Variants in OAT observed in about 807,000 individuals in gnomAD.
The protein encoded by OAT is ornithine aminotransferase, also known as ornithine aminotransferase, mitochondrial.
In OAT, 35 loss-of-function variants were observed where a neutral mutation model predicts 48.4. That is an observed-to-expected ratio of 0.72 (90% CI 0.55 to 0.96). The LOEUF (loss-of-function observed/expected upper bound fraction) is 0.96, where lower values mean the gene tolerates loss of function less well. Ranked by LOEUF, OAT falls within the 40% of genes least tolerant of loss-of-function variation. The probability of loss-of-function intolerance (pLI) is 0.00; values close to 1 mark genes in which losing one functional copy is unlikely to be tolerated. For missense variants in OAT, 438 were observed against 537.9 expected (o/e 0.81, Z 1.84); for synonymous variants, 182 against 198.4 (o/e 0.92, Z 0.70).
At chr10:124,415,980 A>C (rs1366698902) in intron 1 of OAT, among the ~76,000 whole-genome samples, 1 of 152,202 alleles carries the variant, frequency 6.6e-6, no homozygotes, top group African/African-American at 2.4e-5. Context: ...AAATTAGAAA[A>C]CACAGACAAG....
chr10:124,405,757 T>C (rs1294693523), intron 4 of OAT, 194 bp from the exon 5 acceptor site: 1 of 1,391,350 alleles, frequency 7.2e-7, no homozygotes, highest in East Asian at 3.0e-5. Context: ...ACAAGGCCAC[T>C]AAGTCTGGCC....
In OAT at chr10:124,400,941, C is replaced by T. The variant is rs121965053; in HGVS notation, c.1058G>A (p.Gly353Asp). Residue 353 changes from glycine (G) to aspartate (D), a missense_variant, in exon 9 of 10, where the codon GGC becomes GAC. By Grantham distance (94) the Gly-to-Asp change is moderately conservative. Coordinates refer to ENST00000368845, the MANE Select transcript of OAT (RefSeq NM_000274.4). The part of the protein sequence containing the change: ...ENLAENADKL[G>D]IILRNELMKL... ...CATGAGTTCATTTCTCAAGATAATG[C>T]CCAATTTGTCTGCATTTTCAGCAAG... is the stretch of plus-strand genomic sequence containing the variant. 3.0e-5 allele frequency: 49 copies of T among 1,610,854 alleles called. No homozygotes were observed. Among genetic ancestry groups the T allele is most frequent in the Non-Finnish European group, 4.2e-5 (49 of 1,178,486 alleles).
chr10:124,400,169 G>A (rs1375384737), intron 9 of OAT, among the ~76,000 whole-genome samples: 2 of 152,166 alleles, frequency 1.3e-5, no homozygotes, highest in Non-Finnish European at 2.9e-5. Context: ...ACCAAGTGTG[G>A]CCAGGAGCAG....
chr10:124,405,833 G>C, intron 4 of OAT: 4 of 1,245,768 alleles, frequency 3.2e-6, no homozygotes, highest in Non-Finnish European at 4.1e-6. Flanking sequence ...AGCCCCTGAA[G>C]ATAGATAACT....
chr10:124,415,368 G>C (rs1951887874), intron 1 of OAT, among the ~76,000 whole-genome samples: 1 of 152,040 alleles, frequency 6.6e-6, no homozygotes, highest in African/African-American at 2.4e-5. Flanking sequence ...TGGGCTCAAG[G>C]GATCCTTCTG....
At chr10:124,407,427 G>C in intron 4 of OAT, 1 of 985,394 alleles carries the variant, frequency 1.0e-6, no homozygotes, top group Non-Finnish European at 1.2e-6. Context: ...CTATAAGAAT[G>C]AAAATCACCA....
chr10:124,417,947 C>T (rs1282230475), intron 1 of OAT, among the ~76,000 whole-genome samples: 1 of 152,228 alleles, frequency 6.6e-6, no homozygotes, highest in African/African-American at 2.4e-5. Context: ...CGGTGGGTCA[C>T]AGGGCGAGTG....
At chr10:124,416,228 C>G (rs1951914534) in intron 1 of OAT, among the ~76,000 whole-genome samples, 1 of 152,120 alleles carries the variant, frequency 6.6e-6, no homozygotes, top group Non-Finnish European at 1.5e-5. Flanking sequence ...CAGTAAAATT[C>G]ACTTTGCATT....
In OAT at chr10:124,406,802, C is replaced by CAAAA. The variant is rs58613966; in HGVS notation, c.521-1243_521-1240dup. The CAAAA allele has an allele frequency of 4.2e-4, 65 of 156,004 alleles. 5 individuals are homozygous for CAAAA. The highest frequency in any genetic ancestry group is 6.1e-4 in the Non-Finnish European group (54 of 88,098). The allele number at this position is 156,004 out of a possible 1,614,324, so 9.7% of individuals were successfully genotyped here. ...AGGTGACAAGAGTGAAACTCTGTCTCAAAAAAAAAAAAAAAAAAAGTTGGG... is the reference window on the plus strand; with the variant it reads ...AGGTGACAAGAGTGAAACTCTGTCTCAAAAAAAAAAAAAAAAAAAAAAAGTTGGG... On this transcript the variant is annotated intron_variant, in intron 4 of 9. Coordinates refer to ENST00000368845, the MANE Select transcript of OAT (RefSeq NM_000274.4).
At position 124,406,032 on chromosome 10, in the gene OAT, T is replaced by G. The variant is rs953210670; in HGVS notation, c.521-469A>C. The G allele has an allele frequency of 5.8e-6, 6 of 1,038,264 alleles. No homozygotes were observed. In the East Asian group the frequency reaches 3.4e-4, roughly 58 times the overall value. 64.3% of individuals were successfully genotyped at this position (1,038,264 alleles called of 1,614,324 possible). On this transcript the variant is annotated intron_variant, in intron 4 of 9. Transcript: ENST00000368845. ...CAACAGAATGCATTTCCAATTTCAT[T>G]TGGAGAAAAGATCCTCAAGCAATCC...
chr10:124,399,545 CTG>C lies in OAT; in HGVS notation c.1159+1293_1159+1294del, dbSNP rs1292357526. Among the ~76,000 whole-genome samples the C allele has an allele frequency of 2.0e-5, 3 of 151,908 alleles. No individual in the cohort carries two copies. The East Asian group carries it at 5.8e-4, about 29-fold the overall frequency. ...TATTTTTAGTAGAGATGGGGTTTCACTGTGTTAGCCAGGATGGTCTCGATCTC... is the reference window on the plus strand; with the variant it reads ...TATTTTTAGTAGAGATGGGGTTTCACTGTTAGCCAGGATGGTCTCGATCTC... On this transcript the variant is annotated intron_variant, in intron 9 of 9. Coordinates refer to ENST00000368845, the MANE Select transcript of OAT (RefSeq NM_000274.4).
chr10:124,414,109 T>C (rs1951842894), intron 1 of OAT: 2 of 151,830 alleles, frequency 1.3e-5, no homozygotes. Flanking sequence ...TTATTCCATC[T>C]ATACTTACTT....
rs1349402825 is a variant in OAT at position 124,397,368 on chromosome 10, T to G, written c.*574A>C. On this transcript the variant is annotated 3_prime_UTR_variant, in exon 10 of 10. Coordinates refer to ENST00000368845, the MANE Select transcript of OAT (RefSeq NM_000274.4). ...ATTGAAAATAAACATTTTTTACAAA[T>G]TATAATCAAGCACTCAAAACAATTT... 2 of 152,282 alleles carry G rather than the reference T, an allele frequency of 1.3e-5. No homozygotes were observed. Among genetic ancestry groups the G allele is most frequent in the Non-Finnish European group, 2.9e-5 (2 of 68,078 alleles). The allele number at this position is 152,282 out of a possible 1,614,324, so 9.4% of individuals were successfully genotyped here. A position where few individuals can be genotyped will look rare whatever the true frequency, so the allele number is the denominator to read the frequency against.
intron 2 of OAT, 54 bp from the exon 3 acceptor site, chr10:124,409,019 G>A (rs1951681168): frequency 2.1e-6 from 3 of 1,402,838 alleles, no homozygotes; most frequent in Non-Finnish European, 3.0e-6. Flanking sequence ...ACGGCATAAA[G>A]TCCAAAAATT....
rs372152657 is a variant in OAT, at chr10:124,408,545, C to T, written c.517G>A (p.Ala173Thr). 222 of 1,609,150 alleles carry T rather than the reference C, an allele frequency of 1.4e-4. No homozygotes were observed. Among genetic ancestry groups the T allele is most frequent in the Non-Finnish European group, 1.7e-4 (204 of 1,177,688 alleles). ...IQKYKAKIVF[A>T]AGNFWGRTLS... is the part of the protein sequence containing the mutation. ...GTTAATATTTAATTTCACATACCTG[C>T]AAAAACAATCTTTGCTTTGTATTTC... The change falls in exon 4 of 10, where the codon GCA (alanine) becomes ACA (threonine). Residue 173 changes from alanine (A) to threonine (T), a missense_variant. Coordinates refer to ENST00000368845, the MANE Select transcript of OAT (RefSeq NM_000274.4).
chr10:124,400,936 T>C lies in OAT; in HGVS notation c.1063A>G (p.Ile355Val), dbSNP rs1198528867. 2 of 1,610,910 alleles carry C rather than the reference T, an allele frequency of 1.2e-6. No individual in the cohort carries two copies. The highest frequency in any genetic ancestry group is 1.7e-6 in the Non-Finnish European group (2 of 1,178,494). ...AGCTTCATGAGTTCATTTCTCAAGATAATGCCCAATTTGTCTGCATTTTCA... is the reference window on the plus strand; with the variant it reads ...AGCTTCATGAGTTCATTTCTCAAGACAATGCCCAATTTGTCTGCATTTTCA... ...LAENADKLGI[I>V]LRNELMKLPS... The change falls in exon 9 of 10, where the codon ATC (isoleucine) becomes GTC (valine). Residue 355 changes from isoleucine (I) to valine (V), a missense_variant. Coordinates refer to ENST00000368845, the MANE Select transcript of OAT (RefSeq NM_000274.4).
chr10:124,411,610 G>A (rs1191025508), intron 2 of OAT, among the ~76,000 whole-genome samples: 1 of 152,132 alleles, frequency 6.6e-6, no homozygotes, highest in Non-Finnish European at 1.5e-5. Context: ...AAAGTCAGGA[G>A]TCTGAGACCA....
rs1428112374 is a variant in OAT, at chr10:124,411,965, A to T, written c.199+8T>A. On this transcript the variant is annotated splice_region_variant and intron_variant, in intron 2 of 9. Coordinates refer to ENST00000368845, the MANE Select transcript of OAT (RefSeq NM_000274.4). ...AAAAGGGAAAAGACGGATTAATTTG[A>T]AACGTACCTTTTCCTCTCTCCAGGG... 1.9e-6 allele frequency: 3 copies of T among 1,612,490 alleles called. No homozygotes were observed. The highest frequency in any genetic ancestry group is 1.3e-5 in the African/African-American group (1 of 74,916).
In OAT at chr10:124,401,746, C is replaced by T. The variant is rs121965047; in HGVS notation, c.994G>A (p.Val332Met). ...TYGGNPLGCR[V>M]AIAALEVLEE... ...TTTACCTCAAGGGCTGCGATGGCCA[C>T]TCGGCAGCCTAGTGGATTGCCACCG... is the stretch of plus-strand genomic sequence containing the variant. The change falls in exon 8 of 10, where the codon GTG becomes ATG. Residue 332 changes from valine to methionine, a missense_variant. Val to Met is a conservative substitution (Grantham distance 21, BLOSUM62 1). Transcript: ENST00000368845. The T allele has an allele frequency of 6.2e-7, 1 of 1,612,822 alleles. No homozygotes were observed. Among genetic ancestry groups the T allele is most frequent in the Non-Finnish European group, 8.5e-7 (1 of 1,179,390 alleles).
Sources: gnomAD v4.1 joint callset for allele counts (sites outside exome capture counted in the v4.1 genomes callset) on GRCh38, gnomAD v4.1.1 for gene constraint, MANE v1.5 for transcripts, NCBI Gene and HGNC (gene_info 2026-07-23, HGNC 2026-07-21) for gene names.